Variants in ENAH observed in about 807,000 individuals in gnomAD.
ENAH encodes ENAH actin regulator, also known as protein enabled homolog.
A neutral mutation model predicts 78.7 loss-of-function variants in ENAH; 23 were observed. That is an observed-to-expected ratio of 0.29 (90% CI 0.21 to 0.41). The LOEUF is 0.41. ENAH is among the 10% of genes least tolerant of loss of function. The pLI is 1.00. For synonymous variants in ENAH, 226 were observed against 241.0 expected (o/e 0.94, Z 0.58); for missense variants, 544 against 691.0 (o/e 0.79, Z 2.39).
chr1:225,519,686 C>G, intron 4 of ENAH, 121 bp from the exon 5 acceptor site: 1 of 1,397,876 alleles, frequency 7.2e-7, no homozygotes, highest in Non-Finnish European at 9.6e-7. Flanking sequence ...AGCATGCAAA[C>G]ATCTCTCCTC....
At chr1:225,593,025 T>G (rs2096884255) in intron 1 of ENAH, among the ~76,000 whole-genome samples, 1 of 152,108 alleles carries the variant, frequency 6.6e-6, no homozygotes, top group Non-Finnish European at 1.5e-5. Flanking sequence ...GGCACAAATT[T>G]GCTATATCAA....
rs181109591 is a variant in ENAH at position 225,487,830 on chromosome 1, A to G, written c.*9945T>C. The G allele has an allele frequency of 8.9e-4, 135 of 152,348 alleles. 1 individual carries two copies. Among genetic ancestry groups the G allele is most frequent in the African/African-American group, 3.2e-3 (135 of 41,572 alleles). The allele number at this position is 152,348 out of a possible 1,614,324, so 9.4% of individuals were successfully genotyped here. The stretch of plus-strand genomic sequence containing the variant: ...ATTCCAATTCCAGCATATATTATGA[A>G]AGGTTATGGACTGTGACTATCCATC... On this transcript the variant is annotated 3_prime_UTR_variant, in exon 14 of 14. Transcript: ENST00000366843.
chr1:225,622,424 T>A (rs920504581), intron 1 of ENAH, among the ~76,000 whole-genome samples: 1 of 152,100 alleles, frequency 6.6e-6, no homozygotes, highest in Non-Finnish European at 1.5e-5. Flanking sequence ...CCCATCTCTA[T>A]TTTTTTAAAG....
chr1:225,652,770 G>T lies in ENAH; in HGVS notation c.-80C>A, dbSNP rs1204637711. On this transcript the variant is annotated 5_prime_UTR_variant, in exon 1 of 14. Transcript: ENST00000366843. ...GCCGAGGGGGGGGTCTCTCCTCCAG[G>T]GGTGGGGAGCAGCTCGGAGACGGGA... 2.5e-6 allele frequency: 3 copies of T among 1,205,666 alleles called. No individual in the cohort carries two copies. The highest frequency in any genetic ancestry group is 8.4e-5 in the Admixed American group (2 of 23,926). The allele number at this position is 1,205,666 out of a possible 1,614,324, so 74.7% of individuals were successfully genotyped here.
At chr1:225,632,969 G>A (rs1401769283) in intron 1 of ENAH, among the ~76,000 whole-genome samples, 11 of 152,054 alleles carry the variant, frequency 7.2e-5, no homozygotes, top group African/African-American at 1.7e-4. Context: ...GGTGGCTTAC[G>A]GACTGGAAGA....
intron 1 of ENAH, among the ~76,000 whole-genome samples, chr1:225,616,078 A>G (rs2097029933): frequency 6.6e-6 from 1 of 152,222 alleles, no homozygotes; most frequent in South Asian, 2.1e-4. Context: ...TCAGGGTTAA[A>G]TGGATTAAGG....
chr1:225,498,264 G>T, intron 13 of ENAH, 83 bp downstream of exon 13: 1 of 1,116,320 alleles, frequency 9.0e-7, no homozygotes, highest in Non-Finnish European at 1.3e-6. Flanking sequence ...AATCAGCTGG[G>T]TATTTCCTTA....
intron 1 of ENAH, among the ~76,000 whole-genome samples, chr1:225,624,147 A>G (rs1001202413): frequency 6.6e-6 from 1 of 152,156 alleles, no homozygotes; most frequent in Non-Finnish European, 1.5e-5. Context: ...AAATACTAAA[A>G]GCTTCATAGG....
intron 10 of ENAH, among the ~76,000 whole-genome samples, chr1:225,509,342 C>G (rs900648373): frequency 3.3e-5 from 5 of 152,110 alleles, no homozygotes; most frequent in Admixed American, 3.3e-4. Context: ...GGGAGTAATT[C>G]CAAAGTGGTT....
chr1:225,500,950 G>GA (rs1332655254), intron 12 of ENAH, 42 bp downstream of exon 12: 3 of 1,569,854 alleles, frequency 1.9e-6, no homozygotes, highest in African/African-American at 2.7e-5. Flanking sequence ...TTTTTAAAAA[G>GA]AAACAAGTAC....
chr1:225,602,149 TAA>T (rs1387820778), intron 1 of ENAH, among the ~76,000 whole-genome samples: 1 of 151,886 alleles, frequency 6.6e-6, no homozygotes, highest in African/African-American at 2.4e-5. Context: ...TCAGAAGAAA[TAA>T]AGAGGATTTG....
chr1:225,554,849 G>C, intron 3 of ENAH, 57 bp downstream of exon 3: 1 of 1,387,220 alleles, frequency 7.2e-7, no homozygotes, highest in Non-Finnish European at 9.6e-7. Context: ...TAAATCTTCA[G>C]TTTTGCTTTG....
At position 225,555,581 on chromosome 1, in the gene ENAH, C is replaced by CAA. The variant is rs146999797; in HGVS notation, c.172-500_172-499dup. Among the ~76,000 whole-genome samples the CAA allele has an allele frequency of 4.4e-4, 55 of 126,436 alleles. 1 individual carries two copies. The highest frequency in any genetic ancestry group is 7.7e-4 in the Non-Finnish European group (46 of 59,380). The allele number at this position is 126,436 out of a possible 152,430, so 82.9% of individuals were successfully genotyped here. ...TGGGCGATAGAGCGAGACTCTGTCT[C>CAA]AAAAAAAAAAAAAGTAAATCAGCAA... On this transcript the variant is annotated intron_variant, in intron 2 of 13. Coordinates refer to ENST00000366843, the MANE Select transcript of ENAH (RefSeq NM_018212.6).
At chr1:225,585,885 G>C (rs2096843593) in intron 1 of ENAH, among the ~76,000 whole-genome samples, 1 of 152,130 alleles carries the variant, frequency 6.6e-6, no homozygotes, top group Non-Finnish European at 1.5e-5. Context: ...TATGAGAAAA[G>C]AAAGGCCTAA....
intron 1 of ENAH, among the ~76,000 whole-genome samples, chr1:225,601,626 C>T (rs1396807133): frequency 2.0e-5 from 3 of 151,898 alleles, no homozygotes; most frequent in African/African-American, 4.8e-5. Flanking sequence ...GAAATACATC[C>T]CAATGGACGG....
chr1:225,623,510 T>G (rs542994379), intron 1 of ENAH, among the ~76,000 whole-genome samples: 1 of 152,202 alleles, frequency 6.6e-6, no homozygotes, highest in East Asian at 1.9e-4. Context: ...ACAGGTACAC[T>G]GCATGATGCT....
rs71170091 is a variant in ENAH at position 225,558,627 on chromosome 1, C to CTTTTT, written c.172-3549_172-3545dup. 2.8e-3 allele frequency among the ~76,000 whole-genome samples: 193 copies of CTTTTT among 69,244 alleles called. 1 individual carries two copies. Among genetic ancestry groups the CTTTTT allele is most frequent in the Non-Finnish European group, 3.1e-3 (122 of 39,872 alleles). 45.4% of individuals were successfully genotyped at this position (69,244 alleles called of 152,430 possible). The stretch of plus-strand genomic sequence containing the variant: ...TGCTTTCTACTGCATTAATTTCTGC[C>CTTTTT]TTTTTTTTTTTTTTTTTTTTTTTTG... On this transcript the variant is annotated intron_variant, in intron 2 of 13. Transcript: ENST00000366843.
chr1:225,600,050 G>T (rs1438214305), intron 1 of ENAH, among the ~76,000 whole-genome samples: 1 of 152,084 alleles, frequency 6.6e-6, no homozygotes, highest in Non-Finnish European at 1.5e-5. Flanking sequence ...ATGAGTAAAA[G>T]CTCCCTGAGG....
At position 225,558,627 on chromosome 1, in the gene ENAH, C is replaced by CTTTTTTTT. The variant is rs71170091; in HGVS notation, c.172-3552_172-3545dup. 9.0e-4 allele frequency among the ~76,000 whole-genome samples: 62 copies of CTTTTTTTT among 69,240 alleles called. 1 individual carries two copies. Among genetic ancestry groups the CTTTTTTTT allele is most frequent in the African/African-American group, 9.0e-4 (16 of 17,854 alleles). 45.4% of individuals were successfully genotyped at this position (69,240 alleles called of 152,430 possible). On this transcript the variant is annotated intron_variant, in intron 2 of 13. Transcript: ENST00000366843. ...TGCTTTCTACTGCATTAATTTCTGC[C>CTTTTTTTT]TTTTTTTTTTTTTTTTTTTTTTTTG...
Sources: allele counts gnomAD v4.1 joint callset (sites outside exome capture counted in the v4.1 genomes callset), GRCh38; gene constraint gnomAD v4.1.1; transcripts MANE v1.5; gene names NCBI Gene and HGNC (gene_info 2026-07-23, HGNC 2026-07-21).